Variants in CDH13 observed in about 807,000 individuals in gnomAD.
CDH13 encodes cadherin-13.
In CDH13, 24 loss-of-function variants were observed where a neutral mutation model predicts 63.8. The ratio of observed to expected loss-of-function variants is 0.38; its 90% CI spans 0.27 to 0.53. The LOEUF is 0.53. Ranked by LOEUF, CDH13 falls within the 20% of genes least tolerant of loss-of-function variation. CDH13 has a pLI of 0.85. For missense variants in CDH13, 1,049 were observed against 903.1 expected, an observed-to-expected ratio of 1.16 and a Z score of -2.07; for synonymous variants, 503 against 355.3, an observed-to-expected ratio of 1.42 and a Z score of -4.67.
At chr16:83,333,146 A>G (rs112011369) in intron 5 of CDH13, among the ~76,000 whole-genome samples, 1 of 152,198 alleles carries the variant, frequency 6.6e-6, no homozygotes, top group Admixed American at 6.5e-5. Context: ...AGGGCTTAAA[A>G]TGTCTTTTCC....
At chr16:83,197,434 T>A (rs1431464661) in intron 4 of CDH13, among the ~76,000 whole-genome samples, 1 of 152,132 alleles carries the variant, frequency 6.6e-6, no homozygotes, top group Non-Finnish European at 1.5e-5. Flanking sequence ...TACAATTGAA[T>A]TATTATTGAC....
intron 5 of CDH13, among the ~76,000 whole-genome samples, chr16:83,318,656 C>T (rs1252523182): frequency 2.0e-5 from 3 of 152,156 alleles, no homozygotes; most frequent in African/African-American, 7.2e-5. Flanking sequence ...TTACACAGTG[C>T]ACCTTCCTCC....
At chr16:82,744,614 A>G (rs565883255) in intron 1 of CDH13, among the ~76,000 whole-genome samples, 2 of 152,244 alleles carry the variant, frequency 1.3e-5, no homozygotes, top group South Asian at 2.1e-4. Context: ...AAGGAGCTAT[A>G]ACAGGGTTAG....
intron 3 of CDH13, among the ~76,000 whole-genome samples, chr16:83,055,731 G>A (rs892333317): frequency 3.3e-5 from 5 of 151,940 alleles, no homozygotes; most frequent in African/African-American, 7.2e-5. Flanking sequence ...AAAATGAAAC[G>A]CTTTCCAGCT....
intron 2 of CDH13, among the ~76,000 whole-genome samples, chr16:82,936,627 G>A (rs2042675464): frequency 6.6e-6 from 1 of 152,140 alleles, no homozygotes; most frequent in Admixed American, 6.5e-5. Flanking sequence ...CTGAGAATTT[G>A]CATTTCTAAC....
intron 1 of CDH13, among the ~76,000 whole-genome samples, chr16:82,762,537 C>T (rs2034893633): frequency 6.6e-6 from 1 of 152,170 alleles, no homozygotes; most frequent in Admixed American, 6.5e-5. Flanking sequence ...TAACTTTCTA[C>T]TAATTAGAAG....
At chr16:83,015,699 A>ATATATG (rs1567747057) in intron 2 of CDH13, among the ~76,000 whole-genome samples, 1 of 115,252 alleles carries the variant, frequency 8.7e-6, no homozygotes, top group African/African-American at 3.1e-5. Context: ...ATATATATAT[A>ATATATG]TATATATATA....
intron 10 of CDH13, among the ~76,000 whole-genome samples, chr16:83,745,676 C>A (rs1912511133): frequency 6.6e-6 from 1 of 152,178 alleles, no homozygotes; most frequent in South Asian, 2.1e-4. Flanking sequence ...TCTTCAGTGA[C>A]CACAGCCTCC....
intron 6 of CDH13, among the ~76,000 whole-genome samples, chr16:83,385,687 G>T (rs987791919): frequency 3.9e-5 from 6 of 152,180 alleles, no homozygotes; most frequent in African/African-American, 1.4e-4. Context: ...TCTGTTTTCA[G>T]TCCAGTGACC....
At chr16:83,035,133 T>G (rs563150529) in intron 3 of CDH13, among the ~76,000 whole-genome samples, 1 of 152,180 alleles carries the variant, frequency 6.6e-6, no homozygotes, top group South Asian at 2.1e-4. Flanking sequence ...ACAAAATAGA[T>G]AGCAAAAGAA....
intron 7 of CDH13, among the ~76,000 whole-genome samples, chr16:83,494,116 A>T (rs937615698): frequency 1.3e-5 from 2 of 152,166 alleles, no homozygotes; most frequent in Non-Finnish European, 2.9e-5. Flanking sequence ...AGATTTAACA[A>T]ATGTTTAATT....
chr16:83,151,946 A>C (rs1165933836), intron 4 of CDH13, among the ~76,000 whole-genome samples: 1 of 152,176 alleles, frequency 6.6e-6, no homozygotes, highest in Non-Finnish European at 1.5e-5. Context: ...TGGGCAACAA[A>C]AAAAAAAGAA....
chr16:83,735,167 T>C (rs1317402047), intron 10 of CDH13: 1 of 152,212 alleles, frequency 6.6e-6, no homozygotes, highest in Non-Finnish European at 1.5e-5. Flanking sequence ...ACATAATTTT[T>C]ACAACATCCC....
intron 3 of CDH13, among the ~76,000 whole-genome samples, chr16:83,063,377 A>T (rs934849566): frequency 6.6e-6 from 1 of 152,200 alleles, no homozygotes; most frequent in South Asian, 2.1e-4. Flanking sequence ...CTGTTCGTCA[A>T]AGCAGCCCAA....
At chr16:82,973,443 G>A (rs972069504) in intron 2 of CDH13, among the ~76,000 whole-genome samples, 4 of 152,186 alleles carry the variant, frequency 2.6e-5, no homozygotes, top group African/African-American at 9.7e-5. Context: ...TTTTCCCACT[G>A]TTCACTGTTC....
At chr16:83,036,965 C>G (rs148572958) in intron 3 of CDH13, among the ~76,000 whole-genome samples, 17 of 152,220 alleles carry the variant, frequency 1.1e-4, no homozygotes, top group South Asian at 2.1e-4. Context: ...TGTGGGCAGA[C>G]AGGATGGAGA....
chr16:83,182,190 C>T (rs1311920516), intron 4 of CDH13, among the ~76,000 whole-genome samples: 10 of 152,206 alleles, frequency 6.6e-5, no homozygotes, highest in African/African-American at 2.2e-4. Flanking sequence ...TTAACTAATC[C>T]TTCCTGCCTC....
rs1477888592 is a variant in CDH13 at position 83,000,231 on chromosome 16, T to A, written c.158-31779T>A. 2.0e-4 allele frequency among the ~76,000 whole-genome samples: 16 copies of A among 81,300 alleles called. No individual in the cohort carries two copies. The South Asian group carries it at 2.1e-3, about 11-fold the overall frequency. 53.3% of individuals were successfully genotyped at this position (81,300 alleles called of 152,430 possible). A position where few individuals can be genotyped will look rare whatever the true frequency, so the allele number is the denominator to read the frequency against. On this transcript the variant is annotated intron_variant, in intron 2 of 13. Transcript: ENST00000567109. ...ATCCACAGGTTTAGCTTATTTTTTT[T>A]TTTTTTTTTTTTTTTTTTTTTTTTT...
At chr16:83,426,032 C>T (rs186595939) in intron 6 of CDH13, among the ~76,000 whole-genome samples, 15 of 152,102 alleles carry the variant, frequency 9.9e-5, no homozygotes, top group Non-Finnish European at 1.8e-4. Context: ...GGAGGTGGTC[C>T]TTTCTCCTAT....
Sources: allele counts gnomAD v4.1 joint callset (sites outside exome capture counted in the v4.1 genomes callset), GRCh38; gene constraint gnomAD v4.1.1; transcripts MANE v1.5; gene names NCBI Gene and HGNC (gene_info 2026-07-23, HGNC 2026-07-21).